RSPH14: variants seen among roughly 807,000 people sequenced by gnomAD.
The protein encoded by RSPH14 is radial spoke head 14 homolog.
In RSPH14, 20 loss-of-function variants were observed where a neutral mutation model predicts 26.7. The observed-to-expected ratio is 0.75, with a 90% CI of 0.53 to 1.09. The LOEUF (loss-of-function observed/expected upper bound fraction) is 1.09. Ranked by LOEUF, RSPH14 falls within the 50% of genes least tolerant of loss-of-function variation. RSPH14 has a pLI of 0.00. For synonymous variants in RSPH14, 177 were observed against 189.3 expected, an observed-to-expected ratio of 0.93 and a Z score of 0.53; for missense variants, 449 against 457.2, an observed-to-expected ratio of 0.98 and a Z score of 0.16.
At chr22:23,089,240 C>T (rs983628867) in intron 4 of RSPH14, among the ~76,000 whole-genome samples, 2 of 152,206 alleles carry the variant, frequency 1.3e-5, no homozygotes, top group African/African-American at 2.4e-5. Context: ...GTGAGACCTT[C>T]GGTGACCTTG....
At chr22:23,114,194 G>A (rs1470609788) in intron 4 of RSPH14, among the ~76,000 whole-genome samples, 1 of 152,196 alleles carries the variant, frequency 6.6e-6, no homozygotes, top group Non-Finnish European at 1.5e-5. Context: ...GCCTGTCCAT[G>A]GTGAATGGAG....
At chr22:23,087,241 G>A (rs1331164872) in intron 4 of RSPH14, among the ~76,000 whole-genome samples, 3 of 152,152 alleles carry the variant, frequency 2.0e-5, no homozygotes, top group Non-Finnish European at 4.4e-5. Context: ...TGAGGCAGGA[G>A]GATTGCTTGA....
the RSPH14 span, among the ~76,000 whole-genome samples, chr22:23,154,569 G>A: frequency 1.6e-4 from 25 of 152,168 alleles, no homozygotes; most frequent in South Asian, 4.1e-4. Context: ...AGGTGGAGCC[G>A]GGAAAGACTG....
chr22:23,117,189 T>C (rs2069866990), intron 4 of RSPH14, among the ~76,000 whole-genome samples: 1 of 151,926 alleles, frequency 6.6e-6, no homozygotes, highest in African/African-American at 2.4e-5. Context: ...TTGGGGCTGT[T>C]CTGTGCCCCA....
intron 4 of RSPH14, among the ~76,000 whole-genome samples, chr22:23,080,499 G>C (rs956272927): frequency 6.6e-6 from 1 of 152,202 alleles, no homozygotes; most frequent in Non-Finnish European, 1.5e-5. Flanking sequence ...CCATCTGCTC[G>C]GACTATGGCT....
chr22:23,169,330 G>A, the RSPH14 span, among the ~76,000 whole-genome samples: 1 of 152,214 alleles, frequency 6.6e-6, no homozygotes, highest in African/African-American at 2.4e-5. Context: ...ATAGATGACA[G>A]ATGATGGATG....
At chr22:23,156,713 A>C in the RSPH14 span, among the ~76,000 whole-genome samples, 1 of 152,238 alleles carries the variant, frequency 6.6e-6, no homozygotes, top group Non-Finnish European at 1.5e-5. Context: ...TTAGACTTAA[A>C]AGAAGCAAAA....
At chr22:23,133,921 T>C (rs780573732) in intron 4 of RSPH14, 105 bp downstream of exon 4, 1 of 765,512 alleles carries the variant, frequency 1.3e-6, no homozygotes, top group South Asian at 1.5e-5. Flanking sequence ...TGTTGTAATT[T>C]AATAAAAAGT....
rs1249912662 is a variant in RSPH14 at position 23,140,338 on chromosome 22, AG to A, written c.82del (p.Leu28CysfsTer4). The A allele has an allele frequency of 6.2e-7, 1 of 1,614,198 alleles. No individual in the cohort carries two copies. Among genetic ancestry groups the A allele is most frequent in the Non-Finnish European group, 8.5e-7 (1 of 1,180,034 alleles). ...CTGCAGCTCCTCCTTCAGCTTGGGCAGGGCCCGATGGCCATAGGCAGTGGTA... is the reference window on the plus strand; with the variant it reads ...CTGCAGCTCCTCCTTCAGCTTGGGCAGGCCCGATGGCCATAGGCAGTGGTA... ...QITTAYGHRA[L>X]PKLKEELQSE... On this transcript the variant is annotated frameshift_variant, in exon 2 of 7. Coordinates refer to ENST00000216036, the MANE Select transcript of RSPH14 (RefSeq NM_014433.3). LOFTEE classifies it high-confidence loss of function.
chr22:23,145,443 G>A (rs754448252), upstream of RSPH14: 35 of 1,610,658 alleles, frequency 2.2e-5, no homozygotes, highest in Non-Finnish European at 2.9e-5. Context: ...CGACGTCGAC[G>A]ATTCGTGTAG....
the RSPH14 span, among the ~76,000 whole-genome samples, chr22:23,159,502 C>A: frequency 2.0e-5 from 3 of 152,242 alleles, no homozygotes. Flanking sequence ...TGACCCCAAC[C>A]CTGTGTCATG....
intron 4 of RSPH14, among the ~76,000 whole-genome samples, chr22:23,106,061 C>G (rs1171437397): frequency 6.6e-6 from 1 of 152,226 alleles, no homozygotes; most frequent in Admixed American, 6.5e-5. Context: ...TGTCCCAGGA[C>G]TGGGAGTCTT....
At position 23,103,505 on chromosome 22, in the gene RSPH14, C is replaced by T. The variant is rs145315380; in HGVS notation, c.421+30521G>A. ...ACTCCCAGCTCTGACCCTGTGGCCG[C>T]GTGGGTTGCATCTGTTCGTGTTTAC... On this transcript the variant is annotated intron_variant, in intron 4 of 6. Transcript: ENST00000216036. Among the ~76,000 whole-genome samples, 646 of 152,340 alleles carry T rather than the reference C, an allele frequency of 4.2e-3. 2 individuals carry two copies. The highest frequency in any genetic ancestry group is 6.4e-3 in the South Asian group (31 of 4,828).
chr22:23,155,686 G>A, the RSPH14 span, among the ~76,000 whole-genome samples: 1 of 152,236 alleles, frequency 6.6e-6, no homozygotes, highest in Admixed American at 6.5e-5. Flanking sequence ...GTCTCAGTCA[G>A]AAGGGAGTGA....
At chr22:23,064,854 T>C (rs756767138) in intron 4 of RSPH14, among the ~76,000 whole-genome samples, 25 of 152,072 alleles carry the variant, frequency 1.6e-4, no homozygotes, top group Admixed American at 3.3e-4. Context: ...TCCTCCCAGC[T>C]CCCTTCCCTC....
chr22:23,124,381 C>T (rs200293734), intron 4 of RSPH14: 6 of 467,822 alleles, frequency 1.3e-5, no homozygotes, highest in East Asian at 1.4e-4. Flanking sequence ...GTTATCTGGA[C>T]GATCTGTCTC....
intron 4 of RSPH14, among the ~76,000 whole-genome samples, chr22:23,064,531 T>G (rs952797151): frequency 6.6e-6 from 1 of 152,006 alleles, no homozygotes; most frequent in African/African-American, 2.4e-5. Context: ...TGCCCCAGAG[T>G]TGGGGAGCCA....
chr22:23,131,356 A>C (rs2070357209), intron 4 of RSPH14: 1 of 226,510 alleles, frequency 4.4e-6, no homozygotes, highest in African/African-American at 2.3e-5. Flanking sequence ...CATTTTGGGG[A>C]CATAGTCACC....
the RSPH14 span, chr22:23,159,274 A>C: frequency 6.4e-7 from 1 of 1,562,814 alleles, no homozygotes; most frequent in Middle Eastern, 1.7e-4. Flanking sequence ...CAGGGCTGTC[A>C]CCATGGTGGG....
Sources: allele counts gnomAD v4.1 joint callset (sites outside exome capture counted in the v4.1 genomes callset), GRCh38; gene constraint gnomAD v4.1.1; transcripts MANE v1.5; gene names NCBI Gene and HGNC (gene_info 2026-07-23, HGNC 2026-07-21).